COG5: variants seen among roughly 807,000 people sequenced by gnomAD.
COG5 encodes conserved oligomeric Golgi complex subunit 5.
Under a neutral mutation model 110.4 loss-of-function variants are expected in COG5, and 86 were observed. The ratio of observed to expected loss-of-function variants is 0.78; its 90% CI spans 0.65 to 0.93. The LOEUF (loss-of-function observed/expected upper bound fraction) is 0.93. Among genes scored for constraint, COG5 ranks in the 40% least tolerant of loss-of-function variants. The probability of loss-of-function intolerance (pLI) is 0.00; values close to 1 mark genes in which losing one functional copy is unlikely to be tolerated. For synonymous variants in COG5, 360 were observed against 334.6 expected (o/e 1.08, Z -0.83); for missense variants, 1,077 against 987.0 (o/e 1.09, Z -1.22).
At chr7:107,300,415 A>G (rs1807159713) in intron 11 of COG5, among the ~76,000 whole-genome samples, 1 of 152,160 alleles carries the variant, frequency 6.6e-6, no homozygotes, top group Non-Finnish European at 1.5e-5. Flanking sequence ...ACAAGCATCT[A>G]TATGGAAAAT....
At chr7:107,250,313 G>A (rs1351617675) in intron 16 of COG5, among the ~76,000 whole-genome samples, 5 of 152,210 alleles carry the variant, frequency 3.3e-5, no homozygotes, top group African/African-American at 7.2e-5. Context: ...AACTAAATGC[G>A]GCTTGCAACT....
intron 6 of COG5, among the ~76,000 whole-genome samples, chr7:107,443,351 T>C (rs543650921): frequency 1.4e-4 from 21 of 152,272 alleles, no homozygotes; most frequent in African/African-American, 5.1e-4. Context: ...TGCCTAGGAC[T>C]GCATGGTTTG....
At chr7:107,350,405 T>A (rs2129041019) in intron 10 of COG5, among the ~76,000 whole-genome samples, 1 of 152,314 alleles carries the variant, frequency 6.6e-6, no homozygotes, top group Non-Finnish European at 1.5e-5. Context: ...CATTTTCATA[T>A]CTACCTAGTA....
At chr7:107,478,992 A>T (rs1210843487) in intron 6 of COG5, among the ~76,000 whole-genome samples, 1 of 152,116 alleles carries the variant, frequency 6.6e-6, no homozygotes. Context: ...AAAATCTTAC[A>T]GAAAAGAGGC....
At chr7:107,511,799 C>G (rs6968814) in intron 6 of COG5, among the ~76,000 whole-genome samples, 1 of 152,074 alleles carries the variant, frequency 6.6e-6, no homozygotes, top group Non-Finnish European at 1.5e-5. Context: ...AAAAACCACA[C>G]GATTATCTCA....
intron 11 of COG5, among the ~76,000 whole-genome samples, chr7:107,311,522 T>TA (rs1457385220): frequency 1.3e-5 from 2 of 149,702 alleles, no homozygotes; most frequent in Non-Finnish European, 3.0e-5. Context: ...GCCTCCCGAG[T>TA]AGCTGGGACT....
chr7:107,365,572 G>A lies in COG5; in HGVS notation c.836-3152C>T, dbSNP rs181697021. On this transcript the variant is annotated intron_variant, in intron 8 of 21. Transcript: ENST00000297135. Reference sequence around the variant, plus strand: ...AGATCTACAGATTAGGACAGGCCAGGGAATGTTCAACATTGCAAAATGACA... The same window carrying A: ...AGATCTACAGATTAGGACAGGCCAGAGAATGTTCAACATTGCAAAATGACA... Among the ~76,000 whole-genome samples, 478 of 129,190 alleles carry A rather than the reference G, an allele frequency of 3.7e-3. 2 individuals are homozygous for A. The highest frequency in any genetic ancestry group is 0.023 in the Middle Eastern group (5 of 214). 84.8% of individuals were successfully genotyped at this position (129,190 alleles called of 152,430 possible). A position where few individuals can be genotyped will look rare whatever the true frequency, so the allele number is the denominator to read the frequency against.
chr7:107,345,093 C>G (rs897206484), intron 10 of COG5, among the ~76,000 whole-genome samples: 3 of 152,080 alleles, frequency 2.0e-5, no homozygotes, highest in African/African-American at 7.2e-5. Flanking sequence ...TGTTGTGTCT[C>G]AGGAAACAGG....
intron 16 of COG5, 56 bp from the exon 17 acceptor site, chr7:107,248,555 CA>C: frequency 8.1e-7 from 1 of 1,229,518 alleles, no homozygotes; most frequent in Non-Finnish European, 1.2e-6. Context: ...AAAAACAACC[CA>C]AAGAAATTTG....
In COG5 at chr7:107,481,492, C is replaced by CATATTTAT. The variant is rs1307741489; in HGVS notation, c.538+45737_538+45744dup. On this transcript the variant is annotated intron_variant, in intron 6 of 21. Transcript: ENST00000297135. ...TAGTGAGGTAATAATTATATATTAA[C>CATATTTAT]ATATTTATACTTCAATCAGCCAGTA... Among the ~76,000 whole-genome samples, 4 of 152,052 alleles carry CATATTTAT rather than the reference C, an allele frequency of 2.6e-5. No homozygotes were observed. The East Asian group carries it at 7.7e-4, about 29-fold the overall frequency.
intron 6 of COG5, among the ~76,000 whole-genome samples, chr7:107,518,421 C>T (rs868743239): frequency 5.3e-5 from 8 of 151,900 alleles, no homozygotes; most frequent in African/African-American, 1.5e-4. Context: ...ACCCATCTCA[C>T]GTGCAAAGAT....
At chr7:107,531,920 T>C (rs1204236776) in intron 5 of COG5, among the ~76,000 whole-genome samples, 1 of 152,180 alleles carries the variant, frequency 6.6e-6, no homozygotes, top group African/African-American at 2.4e-5. Context: ...TCCTTTGTCA[T>C]GAACCGAGCA....
At position 107,201,617 on chromosome 7, in the gene COG5, C is replaced by CGTTT. The variant is rs1798315695; in HGVS notation, c.*1898_*1899insAAAC. On this transcript the variant is annotated 3_prime_UTR_variant, in exon 22 of 22. Coordinates refer to ENST00000297135, the MANE Select transcript of COG5 (RefSeq NM_006348.5). ...TTGCTTTCTCCATTAGAGCATTAAG[C>CGTTT]TAAAACTATCAACATTTTAAACCAA... The CGTTT allele has an allele frequency of 1.6e-5, 7 of 440,216 alleles. No homozygotes were observed. The South Asian group carries it at 4.3e-4, about 27-fold the overall frequency. 27.3% of individuals were successfully genotyped at this position (440,216 alleles called of 1,614,324 possible).
intron 8 of COG5, among the ~76,000 whole-genome samples, chr7:107,368,976 T>A (rs1258209696): frequency 6.6e-6 from 1 of 152,202 alleles, no homozygotes; most frequent in Non-Finnish European, 1.5e-5. Context: ...TTGTAGTTTG[T>A]TTTTAAGAGA....
intron 6 of COG5, chr7:107,480,697 A>G (rs1011443328): frequency 6.6e-6 from 1 of 152,168 alleles, no homozygotes; most frequent in Non-Finnish European, 1.5e-5. Flanking sequence ...CAGGCTGCAC[A>G]TACTAGAAAT....
At chr7:107,561,481 C>T (rs905937941) in intron 1 of COG5, among the ~76,000 whole-genome samples, 8 of 152,118 alleles carry the variant, frequency 5.3e-5, no homozygotes, top group African/African-American at 1.9e-4. Context: ...ACCCATAAAC[C>T]GCATGAGGAA....
At chr7:107,396,690 T>C (rs1282597528) in intron 7 of COG5, among the ~76,000 whole-genome samples, 1 of 152,148 alleles carries the variant, frequency 6.6e-6, no homozygotes, top group Non-Finnish European at 1.5e-5. Context: ...AGAGCTATTT[T>C]AATTTCTCAA....
intron 7 of COG5, among the ~76,000 whole-genome samples, chr7:107,378,199 C>T (rs1413205912): frequency 1.3e-5 from 2 of 152,130 alleles, no homozygotes; most frequent in African/African-American, 4.8e-5. Flanking sequence ...AGAAGGAAAA[C>T]TAACAAACAG....
chr7:107,510,590 T>C (rs1223286615), intron 6 of COG5, among the ~76,000 whole-genome samples: 2 of 152,166 alleles, frequency 1.3e-5, no homozygotes, highest in Non-Finnish European at 2.9e-5. Flanking sequence ...ATCAACAGAA[T>C]ATACATTCTT....
Sources: allele counts gnomAD v4.1 joint callset (sites outside exome capture counted in the v4.1 genomes callset), GRCh38; gene constraint gnomAD v4.1.1; transcripts MANE v1.5; gene names NCBI Gene and HGNC (gene_info 2026-07-23, HGNC 2026-07-21).